KIAA2012: variants seen among roughly 807,000 people sequenced by gnomAD.
The protein encoded by KIAA2012 is uncharacterized protein KIAA2012.
A neutral mutation model predicts 150.6 loss-of-function variants in KIAA2012; 125 were observed. The ratio of observed to expected loss-of-function variants is 0.83; its 90% CI spans 0.72 to 0.96. The LOEUF is 0.96. KIAA2012 is among the 40% of genes least tolerant of loss of function. KIAA2012 has a pLI of 0.00. For missense variants in KIAA2012, 1,219 were observed against 1,354.9 expected (o/e 0.90, Z 1.57); for synonymous variants, 462 against 504.7 (o/e 0.92, Z 1.13).
At chr2:202,093,851 A>G (rs1472675262) in intron 4 of KIAA2012, among the ~76,000 whole-genome samples, 2 of 152,186 alleles carry the variant, frequency 1.3e-5, no homozygotes, top group African/African-American at 2.4e-5. Context: ...TATTCTATGG[A>G]ACTTGAAGCA....
intron 13 of KIAA2012, among the ~76,000 whole-genome samples, chr2:202,148,791 T>G (rs1691356840): frequency 6.6e-6 from 1 of 152,144 alleles, no homozygotes. Flanking sequence ...AAGTGAGGAC[T>G]TTGGGGGTGG....
At chr2:202,182,331 G>A (rs147737217) in intron 15 of KIAA2012, among the ~76,000 whole-genome samples, 2,069 of 151,630 alleles carry the variant, frequency 0.014, 34 homozygotes, top group Admixed American at 0.024. Context: ...GGCTGGTCTC[G>A]AACTCCCAAC....
rs1403361144 is a variant in KIAA2012 at position 202,100,355 on chromosome 2, T to C, written c.1061T>C (p.Leu354Ser). The change falls in exon 7 of 24, where the codon TTA becomes TCA. Residue 354 changes from leucine (L) to serine (S), a missense_variant. Transcript: ENST00000498697. ...CACAAGGCCAGAAGCAGCCACTTGT[T>C]ACAGGTGCTTCCTGCTGAAAGAAGC... is the stretch of plus-strand genomic sequence containing the variant. ...KLHKARSSHL[L>S]QVLPAERSLF... 2 of 1,550,504 alleles carry C rather than the reference T, an allele frequency of 1.3e-6. No individual in the cohort carries two copies. Among genetic ancestry groups the C allele is most frequent in the Middle Eastern group, 1.7e-4 (1 of 6,014 alleles).
intron 15 of KIAA2012, among the ~76,000 whole-genome samples, chr2:202,178,413 A>G (rs1692041507): frequency 6.6e-6 from 1 of 152,176 alleles, no homozygotes; most frequent in Non-Finnish European, 1.5e-5. Flanking sequence ...AGGTTATTTT[A>G]CTAAGAGAAA....
intron 19 of KIAA2012, among the ~76,000 whole-genome samples, chr2:202,192,196 A>G (rs1692335731): frequency 6.6e-6 from 1 of 152,140 alleles, no homozygotes; most frequent in Admixed American, 6.5e-5. Flanking sequence ...AATCCATAAT[A>G]CTATGCTGCC....
chr2:202,185,616 C>CA (rs780263685), intron 16 of KIAA2012, among the ~76,000 whole-genome samples: 3 of 151,988 alleles, frequency 2.0e-5, no homozygotes, highest in Admixed American at 6.5e-5. Context: ...CCACCTCCAC[C>CA]AAAAAACACA....
At chr2:202,095,085 T>C (rs1374119941) in intron 4 of KIAA2012, among the ~76,000 whole-genome samples, 4 of 152,178 alleles carry the variant, frequency 2.6e-5, no homozygotes, top group Admixed American at 1.3e-4. Flanking sequence ...AATATACTAA[T>C]AGAAGCTGGC....
intron 22 of KIAA2012, among the ~76,000 whole-genome samples, chr2:202,200,898 G>A (rs1260137137): frequency 1.3e-5 from 2 of 151,790 alleles, no homozygotes; most frequent in African/African-American, 4.8e-5. Flanking sequence ...TAGAGACGGG[G>A]TTTCTCCATG....
intron 12 of KIAA2012, among the ~76,000 whole-genome samples, chr2:202,133,130 A>ATTTTTTTTTTTTTTTTTTT (rs60064904): frequency 1.5e-5 from 1 of 67,778 alleles, no homozygotes; most frequent in Non-Finnish European, 2.9e-5. Flanking sequence ...ATATATATAT[A>ATTTTTTTTTTTTTTTTTTT]TTTTTTTTTT....
At chr2:202,190,838 G>A (rs1370603414) in intron 19 of KIAA2012, among the ~76,000 whole-genome samples, 1 of 152,206 alleles carries the variant, frequency 6.6e-6, no homozygotes, top group African/African-American at 2.4e-5. Context: ...GGCTGTCAGA[G>A]CTGAGCATAT....
chr2:202,159,692 A>G (rs996097259), intron 14 of KIAA2012, among the ~76,000 whole-genome samples: 1 of 152,152 alleles, frequency 6.6e-6, no homozygotes, highest in Admixed American at 6.5e-5. Flanking sequence ...AATATAAAAA[A>G]TTAGCCGGGC....
intron 2 of KIAA2012, among the ~76,000 whole-genome samples, chr2:202,088,154 G>A (rs1692655862): frequency 6.6e-6 from 1 of 152,130 alleles, no homozygotes; most frequent in South Asian, 2.1e-4. Context: ...AGGGACTTGA[G>A]CATACACAGA....
intron 15 of KIAA2012, among the ~76,000 whole-genome samples, chr2:202,180,469 C>CA (rs1692096369): frequency 1.3e-5 from 2 of 152,076 alleles, no homozygotes; most frequent in African/African-American, 4.8e-5. Flanking sequence ...GCTAAACCCA[C>CA]AAAAAATAGA....
Position 202,074,893 on chromosome 2 carries a change from T to A in KIAA2012, c.87T>A (p.Asp29Glu). 6.5e-7 allele frequency: 1 copy of A among 1,543,814 alleles called. No homozygotes were observed. Among genetic ancestry groups the A allele is most frequent in the African/African-American group, 1.4e-5 (1 of 72,642 alleles). The change falls in exon 2 of 24, where the codon GAT (aspartate) becomes GAA (glutamate). Residue 29 changes from aspartate to glutamate, a missense_variant and splice_region_variant. Asp to Glu is a conservative substitution (Grantham distance 45). Coordinates refer to ENST00000498697, the MANE Select transcript of KIAA2012 (RefSeq NM_001277372.4). Reference sequence around the variant, plus strand: ...AAAGTGGCTGCTTCTCATTGCAGGATTACTTGAACTGGAGGTCCCCAGAAG... The same window carrying A: ...AAAGTGGCTGCTTCTCATTGCAGGAATACTTGAACTGGAGGTCCCCAGAAG... ...QKLEVYFEPEDYLNWRSPEDY... is the reference protein window; with the variant it reads ...QKLEVYFEPEEYLNWRSPEDY...
chr2:202,142,807 G>C (rs77245701), intron 13 of KIAA2012, among the ~76,000 whole-genome samples: 7 of 151,962 alleles, frequency 4.6e-5, no homozygotes, highest in Non-Finnish European at 8.8e-5. Context: ...CTCAGTGAAG[G>C]GTTGACTTCA....
chr2:202,133,130 A>ATTTTTTTTTTTTTTTTT (rs60064904), intron 12 of KIAA2012, among the ~76,000 whole-genome samples: 5 of 67,740 alleles, frequency 7.4e-5, no homozygotes, highest in South Asian at 5.4e-4. Context: ...ATATATATAT[A>ATTTTTTTTTTTTTTTTT]TTTTTTTTTT....
At chr2:202,128,714 CTTT>C (rs68128318) in intron 12 of KIAA2012, among the ~76,000 whole-genome samples, 2 of 137,390 alleles carry the variant, frequency 1.5e-5, no homozygotes. Flanking sequence ...TGAAACAGGC[CTTT>C]TTTTTTTTTT....
In KIAA2012 at chr2:202,194,370, G is replaced by T. The variant is rs978271957; in HGVS notation, c.3187+8G>T. On this transcript the variant is annotated splice_region_variant and intron_variant, in intron 21 of 23. Coordinates refer to ENST00000498697, the MANE Select transcript of KIAA2012 (RefSeq NM_001277372.4). ...AGGAAGCCGAGAGGGCCGGTGAGGG[G>T]GTTCTTGAGCTCTTTGCATCTCTCT... is the stretch of plus-strand genomic sequence containing the variant. 6 of 1,549,190 alleles carry T rather than the reference G, an allele frequency of 3.9e-6. No individual in the cohort carries two copies. Among genetic ancestry groups the T allele is most frequent in the Admixed American group, 3.9e-5 (2 of 50,950 alleles).
intron 15 of KIAA2012, among the ~76,000 whole-genome samples, chr2:202,183,199 C>T (rs1010127020): frequency 2.0e-5 from 3 of 151,982 alleles, no homozygotes; most frequent in Non-Finnish European, 2.9e-5. Flanking sequence ...GCGGGCGGAT[C>T]GCTTGAGCCC....
Sources: gnomAD v4.1 joint callset for allele counts (sites outside exome capture counted in the v4.1 genomes callset) on GRCh38, gnomAD v4.1.1 for gene constraint, MANE v1.5 for transcripts, NCBI Gene and HGNC (gene_info 2026-07-23, HGNC 2026-07-21) for gene names.